Variants in CDC42SE2 observed in about 807,000 individuals in gnomAD.
CDC42SE2 encodes CDC42 small effector protein 2.
Under a neutral mutation model 11.5 loss-of-function variants are expected in CDC42SE2, and 3 were observed. The observed-to-expected ratio is 0.26, with a 90% confidence interval of 0.12 to 0.67. The LOEUF is 0.67. Among genes scored for constraint, CDC42SE2 ranks in the 30% least tolerant of loss-of-function variants. The pLI is 0.80. For missense variants in CDC42SE2, 82 were observed against 106.8 expected (o/e 0.77, Z 1.02); for synonymous variants, 33 against 34.8 (o/e 0.95, Z 0.18).
intron 1 of CDC42SE2, among the ~76,000 whole-genome samples, chr5:131,284,935 GCTTGAGCCAAAGGA>G (rs771036415): frequency 7.9e-5 from 12 of 151,970 alleles, no homozygotes; most frequent in Non-Finnish European, 1.8e-4. Flanking sequence ...TGAGAGGATT[GCTTGAGCCAAAGGA>G]CTTGAGTCTA....
At position 131,321,724 on chromosome 5, in the gene CDC42SE2, CG is replaced by C. The variant is rs749148311; in HGVS notation, c.-286+5581del. ...GGAAACTTAATTCTATCTTCCCCCC[CG>C]CCAAAATCATCAAGCGTCGTACTGG... On this transcript the variant is annotated intron_variant, in intron 2 of 4. Transcript: ENST00000505065. Among the ~76,000 whole-genome samples the C allele has an allele frequency of 9.1e-4, 138 of 151,706 alleles. 1 individual carries two copies. Among genetic ancestry groups the C allele is most frequent in the South Asian group, 4.2e-4 (2 of 4,814 alleles).
rs539649953 is a variant in CDC42SE2 at position 131,330,285 on chromosome 5, T to A, written c.-286+14141T>A. 3.9e-5 allele frequency among the ~76,000 whole-genome samples: 6 copies of A among 152,314 alleles called. No individual in the cohort carries two copies. In the East Asian group the frequency reaches 1.2e-3, roughly 29 times the overall value. ...TGACGTTCTAAGATCCAAGCCTTGT[T>A]CTGTAGTCAAACAAGTCTTACTAAG... On this transcript the variant is annotated intron_variant, in intron 2 of 4. Coordinates refer to ENST00000505065, the MANE Select transcript of CDC42SE2 (RefSeq NM_001375635.1).
chr5:131,228,019 G>T, the CDC42SE2 span, among the ~76,000 whole-genome samples: 1 of 152,296 alleles, frequency 6.6e-6, no homozygotes, highest in South Asian at 2.1e-4. Flanking sequence ...GGTTAGTAGA[G>T]ACCTTGGCGA....
chr5:131,321,727 C>A (rs1208264344), intron 2 of CDC42SE2, among the ~76,000 whole-genome samples: 1 of 152,044 alleles, frequency 6.6e-6, no homozygotes, highest in Admixed American at 6.5e-5. Flanking sequence ...TCCCCCCCGC[C>A]AAAATCATCA....
chr5:131,306,384 T>G lies in CDC42SE2; in HGVS notation c.-454-9592T>G, dbSNP rs889696216. ...TTCTCTGTTTTGTGTTCTTGGTAAC[T>G]TTGTTGAAAGCCAGTTGACCATAAT... On this transcript the variant is annotated intron_variant, in intron 1 of 4. Transcript: ENST00000505065. Among the ~76,000 whole-genome samples, 672 of 152,320 alleles carry G rather than the reference T, an allele frequency of 4.4e-3. 36 individuals carry two copies. The East Asian group carries it at 0.12, about 27-fold the overall frequency.
chr5:131,278,231 G>A (rs537775734), intron 1 of CDC42SE2, among the ~76,000 whole-genome samples: 99 of 152,222 alleles, frequency 6.5e-4, no homozygotes, highest in Non-Finnish European at 1.1e-3. Context: ...GGGAGATCCC[G>A]CCTGGGCCTC....
intron 2 of CDC42SE2, among the ~76,000 whole-genome samples, chr5:131,341,245 G>T (rs1052993449): frequency 2.6e-5 from 4 of 152,120 alleles, no homozygotes; most frequent in African/African-American, 9.7e-5. Context: ...TAACATCTCT[G>T]TGGCATTTGA....
intron 2 of CDC42SE2, among the ~76,000 whole-genome samples, chr5:131,256,026 C>T (rs545334128): frequency 5.9e-5 from 9 of 152,260 alleles, no homozygotes; most frequent in Non-Finnish European, 1.2e-4. Context: ...CACTAGAGAC[C>T]ATTCTCTTTT....
At chr5:131,310,802 C>G (rs1042331833) in intron 1 of CDC42SE2, among the ~76,000 whole-genome samples, 1 of 151,864 alleles carries the variant, frequency 6.6e-6, no homozygotes, top group Non-Finnish European at 1.5e-5. Flanking sequence ...TTTGGTAGAG[C>G]TTCCTCCATC....
At chr5:131,360,274 C>T (rs1264864070) in intron 3 of CDC42SE2, among the ~76,000 whole-genome samples, 1 of 152,158 alleles carries the variant, frequency 6.6e-6, no homozygotes, top group South Asian at 2.1e-4. Flanking sequence ...GCATGTGCCA[C>T]CACGCCTGGC....
chr5:131,272,548 G>A (rs971685111), intron 1 of CDC42SE2, among the ~76,000 whole-genome samples: 2 of 151,694 alleles, frequency 1.3e-5, no homozygotes, highest in Non-Finnish European at 2.9e-5. Flanking sequence ...GTCTCCACTC[G>A]TGCTCCTTTC....
chr5:131,343,525 C>T (rs1325496023), intron 2 of CDC42SE2, among the ~76,000 whole-genome samples: 1 of 152,000 alleles, frequency 6.6e-6, no homozygotes, highest in Non-Finnish European at 1.5e-5. Context: ...CCAGCCTGAC[C>T]AACATGGAGA....
intron 2 of CDC42SE2, among the ~76,000 whole-genome samples, chr5:131,337,037 AG>A (rs1758583050): frequency 6.6e-6 from 1 of 151,984 alleles, no homozygotes; most frequent in African/African-American, 2.4e-5. Context: ...GGAGGAGGAG[AG>A]GCGGTCTGAT....
chr5:131,319,547 T>C (rs1445780668), intron 2 of CDC42SE2, among the ~76,000 whole-genome samples: 2 of 152,130 alleles, frequency 1.3e-5, no homozygotes, highest in Non-Finnish European at 2.9e-5. Flanking sequence ...CAGTATTGTT[T>C]CTCAAAAAGT....
At chr5:131,346,429 G>C (rs1758846105) in intron 2 of CDC42SE2, among the ~76,000 whole-genome samples, 1 of 152,170 alleles carries the variant, frequency 6.6e-6, no homozygotes, top group Non-Finnish European at 1.5e-5. Flanking sequence ...ATGGTAAAGG[G>C]ATCAATTCAA....
chr5:131,380,544 A>G (rs2149785977), intron 3 of CDC42SE2, among the ~76,000 whole-genome samples: 1 of 152,296 alleles, frequency 6.6e-6, no homozygotes, highest in Admixed American at 6.5e-5. Context: ...TAGAATATTT[A>G]TTTATATTTA....
intron 1 of CDC42SE2, among the ~76,000 whole-genome samples, chr5:131,292,913 A>AC (rs1382895331): frequency 3.2e-4 from 16 of 50,710 alleles, no homozygotes; most frequent in African/African-American, 5.9e-4. Context: ...TCTCAAAAAA[A>AC]AAAAAAAAAA....
intron 2 of CDC42SE2, among the ~76,000 whole-genome samples, chr5:131,340,707 C>CA (rs1281801156): frequency 1.1e-4 from 16 of 149,326 alleles, no homozygotes. Context: ...TTTTCCAAGA[C>CA]AGAGTGTCAC....
At chr5:131,223,376 G>C in the CDC42SE2 span, among the ~76,000 whole-genome samples, 3 of 151,990 alleles carry the variant, frequency 2.0e-5, no homozygotes, top group Non-Finnish European at 4.4e-5. Context: ...CTGGGAAGAT[G>C]TCTGGGGGGG....
Sources: allele counts gnomAD v4.1 joint callset (sites outside exome capture counted in the v4.1 genomes callset), GRCh38; gene constraint gnomAD v4.1.1; transcripts MANE v1.5; gene names NCBI Gene and HGNC (gene_info 2026-07-23, HGNC 2026-07-21).